Variants in GLRA3 observed in about 807,000 individuals in gnomAD.
The protein encoded by GLRA3 is glycine receptor alpha 3, also known as glycine receptor subunit alpha-3.
A neutral mutation model predicts 60.4 loss-of-function variants in GLRA3; 44 were observed. The ratio of observed to expected loss-of-function variants is 0.73; its 90% CI spans 0.57 to 0.94. The LOEUF (loss-of-function observed/expected upper bound fraction) is 0.94. GLRA3 is among the 40% of genes least tolerant of loss of function. The pLI is 0.00. For missense variants in GLRA3, 508 were observed against 564.6 expected (o/e 0.90, Z 1.02); for synonymous variants, 223 against 192.9 (o/e 1.16, Z -1.29).
At chr4:174,733,331 T>G (rs1454907231) in intron 3 of GLRA3, among the ~76,000 whole-genome samples, 1 of 152,208 alleles carries the variant, frequency 6.6e-6, no homozygotes. Context: ...AATACATTTG[T>G]GTTGTTTAAG....
intron 5 of GLRA3, among the ~76,000 whole-genome samples, chr4:174,707,570 A>G (rs115526416): frequency 0.012 from 1,760 of 152,284 alleles, 38 homozygotes; most frequent in African/African-American, 0.038. Flanking sequence ...ATTTTAATAC[A>G]TGGAAAGACG....
At chr4:174,706,655 A>C (rs1735531837) in intron 5 of GLRA3, among the ~76,000 whole-genome samples, 1 of 152,262 alleles carries the variant, frequency 6.6e-6, no homozygotes, top group South Asian at 2.1e-4. Context: ...CTTGAGCAGG[A>C]CAAGAGAAAG....
chr4:174,681,438 G>A (rs1734337405), intron 6 of GLRA3, among the ~76,000 whole-genome samples: 1 of 152,060 alleles, frequency 6.6e-6, no homozygotes, highest in South Asian at 2.1e-4. Flanking sequence ...GGATAAGAGG[G>A]GGTCCCAAAT....
chr4:174,748,029 T>C (rs894500596), intron 3 of GLRA3, among the ~76,000 whole-genome samples: 3 of 152,094 alleles, frequency 2.0e-5, no homozygotes, highest in Non-Finnish European at 4.4e-5. Flanking sequence ...ATTACCACTA[T>C]ACATGTGGAT....
At chr4:174,714,674 A>G (rs1735839354) in intron 5 of GLRA3, among the ~76,000 whole-genome samples, 1 of 152,202 alleles carries the variant, frequency 6.6e-6, no homozygotes, top group African/African-American at 2.4e-5. Context: ...TCCTCAAGGA[A>G]TGTGTCAAAC....
At chr4:174,825,415 T>A (rs1357599066) in intron 1 of GLRA3, among the ~76,000 whole-genome samples, 1 of 152,114 alleles carries the variant, frequency 6.6e-6, no homozygotes, top group Non-Finnish European at 1.5e-5. Context: ...TATTATGACA[T>A]CTGAAATTCA....
chr4:174,827,139 C>A (rs1308510694), intron 1 of GLRA3, among the ~76,000 whole-genome samples: 2 of 151,722 alleles, frequency 1.3e-5, no homozygotes, highest in Non-Finnish European at 2.9e-5. Flanking sequence ...AAATTTATTT[C>A]TAATTAAAAT....
chr4:174,763,226 A>C (rs972902671), intron 3 of GLRA3, among the ~76,000 whole-genome samples: 18 of 152,274 alleles, frequency 1.2e-4, no homozygotes, highest in Middle Eastern at 3.4e-3. Context: ...CAGGCTGCAG[A>C]AATAACTTGC....
At chr4:174,755,201 C>T (rs1485968922) in intron 3 of GLRA3, among the ~76,000 whole-genome samples, 2 of 151,938 alleles carry the variant, frequency 1.3e-5, no homozygotes, top group African/African-American at 4.8e-5. Flanking sequence ...AAAAAATAGT[C>T]TTTTTTGGCC....
At chr4:174,754,780 G>A (rs4695790) in intron 3 of GLRA3, among the ~76,000 whole-genome samples, 143,943 of 152,178 alleles carry the variant, frequency 0.95, 68,579 homozygotes, top group East Asian at 1. Flanking sequence ...AACCTAGCCT[G>A]TTTATGAAAT....
At chr4:174,796,314 T>G (rs998400611) in intron 1 of GLRA3, among the ~76,000 whole-genome samples, 18 of 152,068 alleles carry the variant, frequency 1.2e-4, no homozygotes, top group Admixed American at 1.1e-3. Context: ...AGAAATAAAT[T>G]GTGTTGTGTA....
At chr4:174,803,132 C>T (rs1362941537) in intron 1 of GLRA3, among the ~76,000 whole-genome samples, 2 of 151,928 alleles carry the variant, frequency 1.3e-5, no homozygotes, top group Non-Finnish European at 2.9e-5. Flanking sequence ...TTGGTTTTAT[C>T]TATAAGATTT....
chr4:174,680,868 C>T (rs906090261), intron 6 of GLRA3, among the ~76,000 whole-genome samples: 1 of 151,984 alleles, frequency 6.6e-6, no homozygotes, highest in African/African-American at 2.4e-5. Context: ...CTTAGGTAAC[C>T]TACTATTGTT....
intron 1 of GLRA3, among the ~76,000 whole-genome samples, chr4:174,813,957 C>T (rs1360831560): frequency 6.6e-6 from 1 of 152,172 alleles, no homozygotes; most frequent in Non-Finnish European, 1.5e-5. Context: ...CTCTCAAACC[C>T]TCACGGGAAG....
At chr4:174,817,386 T>C (rs1197346943) in intron 1 of GLRA3, among the ~76,000 whole-genome samples, 1 of 152,216 alleles carries the variant, frequency 6.6e-6, no homozygotes, top group African/African-American at 2.4e-5. Flanking sequence ...ATAGTTTTTC[T>C]TTTCCTTTCT....
chr4:174,810,943 C>T (rs2111368798), intron 1 of GLRA3, among the ~76,000 whole-genome samples: 1 of 152,236 alleles, frequency 6.6e-6, no homozygotes, highest in Admixed American at 6.5e-5. Flanking sequence ...ATTGTTGCTC[C>T]TAGCTTCCTT....
chr4:174,777,721 G>A (rs999351270), intron 2 of GLRA3, among the ~76,000 whole-genome samples: 4 of 152,114 alleles, frequency 2.6e-5, no homozygotes, highest in Non-Finnish European at 4.4e-5. Context: ...AGTTCATAAC[G>A]TACTAATCTT....
intron 1 of GLRA3, among the ~76,000 whole-genome samples, chr4:174,790,578 A>G (rs1739294223): frequency 6.6e-6 from 1 of 151,772 alleles, no homozygotes. Context: ...CCCTTGCAAA[A>G]TCTCTCCTTT....
chr4:174,813,302 A>G (rs975766567), intron 1 of GLRA3, among the ~76,000 whole-genome samples: 3 of 152,244 alleles, frequency 2.0e-5, no homozygotes, highest in Non-Finnish European at 4.4e-5. Context: ...AAATAAACAG[A>G]GAATTTTAAT....
Sources: allele counts gnomAD v4.1 joint callset (sites outside exome capture counted in the v4.1 genomes callset), GRCh38; gene constraint gnomAD v4.1.1; transcripts MANE v1.5; gene names NCBI Gene and HGNC (gene_info 2026-07-23, HGNC 2026-07-21).